Variants in MGST2 observed in about 807,000 individuals in gnomAD.
The protein encoded by MGST2 is microsomal glutathione S-transferase 2, also known as glutathione peroxidase MGST2.
In MGST2, 9 loss-of-function variants were observed where a neutral mutation model predicts 16.6. The ratio of observed to expected loss-of-function variants is 0.54; its 90% CI spans 0.33 to 0.95. The LOEUF (loss-of-function observed/expected upper bound fraction) is 0.95. MGST2 is among the 40% of genes least tolerant of loss of function. MGST2 has a pLI of 0.03. For missense variants in MGST2, 159 were observed against 175.1 expected (o/e 0.91, Z 0.52); for synonymous variants, 79 against 68.0 (o/e 1.16, Z -0.79).
At chr4:139,725,892 T>C (rs1004468379) in intron 5 of MGST2, 1 of 1,409,298 alleles carries the variant, frequency 7.1e-7, no homozygotes, top group Non-Finnish European at 1.0e-6. Flanking sequence ...AAGCACACAA[T>C]TCAATATCCC....
chr4:139,682,689 C>T (rs1731317866), intron 2 of MGST2, among the ~76,000 whole-genome samples: 1 of 151,998 alleles, frequency 6.6e-6, no homozygotes, highest in Admixed American at 6.6e-5. Context: ...TGTATAGAGG[C>T]ATTGGTAGAA....
chr4:139,686,125 G>A (rs1731549828), intron 2 of MGST2, among the ~76,000 whole-genome samples: 1 of 152,194 alleles, frequency 6.6e-6, no homozygotes, highest in South Asian at 2.1e-4. Context: ...AAATACATTG[G>A]TTTTGTCCAG....
chr4:139,749,184 A>G, the MGST2 span, among the ~76,000 whole-genome samples: 1 of 152,276 alleles, frequency 6.6e-6, no homozygotes, highest in African/African-American at 2.4e-5. Context: ...TCACAAAGAT[A>G]TGATATACCC....
At chr4:139,696,414 T>C (rs1171751918) in intron 3 of MGST2, among the ~76,000 whole-genome samples, 1 of 152,268 alleles carries the variant, frequency 6.6e-6, no homozygotes, top group Non-Finnish European at 1.5e-5. Context: ...AAAAGCAGAC[T>C]TGAATCATCA....
intron 1 of MGST2, among the ~76,000 whole-genome samples, chr4:139,671,558 C>T (rs181776906): frequency 3.3e-5 from 5 of 152,222 alleles, no homozygotes; most frequent in Admixed American, 2.6e-4. Context: ...CCTCTGCCTC[C>T]CAAGGTCAAG....
intron 3 of MGST2, among the ~76,000 whole-genome samples, chr4:139,701,799 G>GA (rs533772371): frequency 3.4e-4 from 51 of 148,580 alleles, no homozygotes; most frequent in South Asian, 1.1e-3. Flanking sequence ...CCTTTTCTCT[G>GA]AAAAAAAAAA....
At chr4:139,688,961 A>C (rs1162476705) in intron 2 of MGST2, among the ~76,000 whole-genome samples, 2 of 152,126 alleles carry the variant, frequency 1.3e-5, no homozygotes, top group Admixed American at 1.3e-4. Flanking sequence ...TACAAAAATT[A>C]GCTGGGCGTG....
downstream of MGST2, among the ~76,000 whole-genome samples, chr4:139,706,683 T>TAC (rs111407241): frequency 6.4e-3 from 970 of 150,628 alleles, 6 homozygotes; most frequent in African/African-American, 0.014. Context: ...AACACACACA[T>TAC]ACACACACAC....
At chr4:139,704,534 A>G (rs1727442052), downstream of MGST2, among the ~76,000 whole-genome samples, 1 of 152,226 alleles carries the variant, frequency 6.6e-6, no homozygotes, top group South Asian at 2.1e-4. Flanking sequence ...CATTGGTTAT[A>G]GGAAAACAAC....
chr4:139,725,163 GT>G (rs1489209394), intron 5 of MGST2, among the ~76,000 whole-genome samples: 1 of 152,118 alleles, frequency 6.6e-6, no homozygotes, highest in Non-Finnish European at 1.5e-5. Context: ...CTGCTACTAG[GT>G]CATGATTTAG....
chr4:139,739,044 A>C (rs1020328015), intron 5 of MGST2, among the ~76,000 whole-genome samples: 2 of 152,220 alleles, frequency 1.3e-5, no homozygotes, highest in African/African-American at 4.8e-5. Context: ...TGGGACCAAG[A>C]CTATGAGTCT....
chr4:139,673,956 A>G (rs1284149187), intron 1 of MGST2, among the ~76,000 whole-genome samples: 1 of 152,230 alleles, frequency 6.6e-6, no homozygotes, highest in Non-Finnish European at 1.5e-5. Flanking sequence ...AAGGCAGGAT[A>G]TCTTGACACA....
At chr4:139,725,851 A>G (rs1728450997) in intron 5 of MGST2, 1 of 1,610,446 alleles carries the variant, frequency 6.2e-7, no homozygotes, top group African/African-American at 1.3e-5. Context: ...ACAACAGAAC[A>G]CAAGAGGGGT....
chr4:139,721,080 T>A (rs1284545666), intron 5 of MGST2, among the ~76,000 whole-genome samples: 1 of 152,242 alleles, frequency 6.6e-6, no homozygotes, highest in East Asian at 1.9e-4. Context: ...TCCTGCTACG[T>A]GCGACTTGGC....
chr4:139,676,928 GA>G (rs1226309063), intron 1 of MGST2, among the ~76,000 whole-genome samples: 2 of 152,192 alleles, frequency 1.3e-5, no homozygotes, highest in Admixed American at 1.3e-4. Flanking sequence ...CCCTTGTCCA[GA>G]TCTGGGAGAG....
At chr4:139,675,372 A>G (rs1730906028) in intron 1 of MGST2, among the ~76,000 whole-genome samples, 1 of 152,194 alleles carries the variant, frequency 6.6e-6, no homozygotes, top group Non-Finnish European at 1.5e-5. Flanking sequence ...CTGAAGGCTC[A>G]AAAACTGACA....
At chr4:139,673,641 T>G (rs1004797721) in intron 1 of MGST2, among the ~76,000 whole-genome samples, 4 of 152,176 alleles carry the variant, frequency 2.6e-5, no homozygotes, top group African/African-American at 9.7e-5. Context: ...CTCAAACTCC[T>G]GGGCTCAAGC....
Position 139,735,326 on chromosome 4 carries a change from C to A in MGST2, c.*49-4886C>A, listed in dbSNP as rs1369658158. On this transcript the variant is annotated intron_variant, in intron 5 of 5. Coordinates refer to the MGST2 transcript ENST00000616265. The surrounding 1 kb of genome is among the most constrained non-coding windows in gnomAD (Gnocchi z 5.8). ...TCTGGGGTTATCTGCCCCCCTCCTC[C>A]GACTGACACTGAACTGGTTTCTCAT... 6.6e-6 allele frequency among the ~76,000 whole-genome samples: 1 copy of A among 152,178 alleles called. No individual in the cohort carries two copies. The highest frequency in any genetic ancestry group is 1.9e-4 in the East Asian group (1 of 5,192).
chr4:139,680,125 T>C (rs1429322840), intron 2 of MGST2, among the ~76,000 whole-genome samples: 1 of 152,218 alleles, frequency 6.6e-6, no homozygotes, highest in Non-Finnish European at 1.5e-5. Flanking sequence ...GTTGGCTTCT[T>C]TTTATGGAAG....
Sources: gnomAD v4.1 joint callset for allele counts (sites outside exome capture counted in the v4.1 genomes callset) on GRCh38, gnomAD v4.1.1 for gene constraint, Gnocchi (gnomAD v3.1) non-coding constraint, MANE v1.5 for transcripts, NCBI Gene and HGNC (gene_info 2026-07-23, HGNC 2026-07-21) for gene names.